The following ERC2 variants were observed in gnomAD, a reference collection of about 807,000 sequenced individuals.
The protein encoded by ERC2 is ELKS/RAB6-interacting/CAST family member 2, also known as ERC protein 2.
In ERC2, 42 loss-of-function variants were observed where a neutral mutation model predicts 114.8. The observed-to-expected ratio is 0.37, with a 90% CI of 0.29 to 0.47. ERC2 has a LOEUF of 0.47. Among genes scored for constraint, ERC2 ranks in the 20% least tolerant of loss-of-function variants. The pLI is 0.99. For synonymous variants in ERC2, 454 were observed against 425.5 expected, an observed-to-expected ratio of 1.07 and a Z score of -0.82; for missense variants, 939 against 1,150.7, an observed-to-expected ratio of 0.82 and a Z score of 2.66.
intron 10 of ERC2, among the ~76,000 whole-genome samples, chr3:56,003,797 A>G (rs556316694): frequency 1.3e-5 from 2 of 152,234 alleles, no homozygotes; most frequent in Admixed American, 1.3e-4. Flanking sequence ...TTTCAAAGAT[A>G]TCCTATTATG....
chr3:56,051,717 TC>T (rs1464230301), intron 7 of ERC2, among the ~76,000 whole-genome samples: 1 of 151,784 alleles, frequency 6.6e-6, no homozygotes, highest in African/African-American at 2.4e-5. Context: ...TCCCAGCTAC[TC>T]AAGAGACTGA....
intron 15 of ERC2, among the ~76,000 whole-genome samples, chr3:55,710,284 G>A (rs2063710456): frequency 6.6e-6 from 1 of 152,066 alleles, no homozygotes; most frequent in East Asian, 1.9e-4. Context: ...CCTCATCCAA[G>A]CTGATATTCT....
intron 4 of ERC2, among the ~76,000 whole-genome samples, chr3:56,170,599 T>TGTTTTGTTTTGTTTTGTTTTG: frequency 7.0e-6 from 1 of 142,468 alleles, no homozygotes; most frequent in African/African-American, 2.7e-5. Context: ...TTTTTTTTTT[T>TGTTTTGTTTTGTTTTGTTTTG]TTTTTTTTTT....
chr3:56,436,307 C>G (rs939154980), intron 1 of ERC2, among the ~76,000 whole-genome samples: 1 of 152,202 alleles, frequency 6.6e-6, no homozygotes, highest in Non-Finnish European at 1.5e-5. Context: ...TACCATCTAA[C>G]TCATAGTATT....
intron 13 of ERC2, among the ~76,000 whole-genome samples, chr3:55,949,144 C>T (rs534156952): frequency 3.9e-5 from 6 of 151,968 alleles, no homozygotes; most frequent in Admixed American, 6.6e-5. Context: ...CCGAGGCGGG[C>T]GGATCATGAG....
chr3:55,581,569 C>T (rs151132494), intron 17 of ERC2, among the ~76,000 whole-genome samples: 10 of 152,220 alleles, frequency 6.6e-5, no homozygotes, highest in African/African-American at 2.4e-4. Context: ...GGAAATGGTG[C>T]TCCTCTGGTG....
chr3:55,726,566 G>A (rs2064933324), intron 15 of ERC2, among the ~76,000 whole-genome samples: 1 of 152,048 alleles, frequency 6.6e-6, no homozygotes. Context: ...CACATTCCAG[G>A]GCAGCCTCTG....
intron 2 of ERC2, among the ~76,000 whole-genome samples, chr3:56,317,405 T>C (rs369181506): frequency 5.3e-5 from 8 of 152,200 alleles, no homozygotes; most frequent in African/African-American, 1.9e-4. Flanking sequence ...TACTCATCAA[T>C]AAAGGATCCA....
intron 2 of ERC2, among the ~76,000 whole-genome samples, chr3:56,300,628 C>G (rs777926166): frequency 6.6e-6 from 1 of 152,232 alleles, no homozygotes. Context: ...TGTAATACCA[C>G]ATGCCATGCA....
At chr3:55,769,592 G>T (rs993822160) in intron 14 of ERC2, among the ~76,000 whole-genome samples, 21 of 152,108 alleles carry the variant, frequency 1.4e-4, no homozygotes, top group African/African-American at 4.8e-4. Context: ...AAATATATTT[G>T]GTTGAACAAT....
intron 17 of ERC2, among the ~76,000 whole-genome samples, chr3:55,630,467 C>A (rs2059707155): frequency 6.6e-6 from 1 of 152,220 alleles, no homozygotes; most frequent in South Asian, 2.1e-4. Flanking sequence ...CCACGCCCGG[C>A]CAATAAGACA....
intron 3 of ERC2, among the ~76,000 whole-genome samples, chr3:56,195,506 T>TGTGCGTGTGTGC (rs1175558166): frequency 6.6e-6 from 1 of 151,604 alleles, no homozygotes; most frequent in Non-Finnish European, 1.5e-5. Flanking sequence ...TGTGCGTGTG[T>TGTGCGTGTGTGC]GTGTGTGTGT....
chr3:56,344,391 A>G (rs921197661), intron 2 of ERC2, among the ~76,000 whole-genome samples: 1 of 152,066 alleles, frequency 6.6e-6, no homozygotes, highest in Admixed American at 6.5e-5. Context: ...ATGTCTTCAG[A>G]TGGTCTGTTG....
At chr3:56,404,808 A>G (rs917029129) in intron 2 of ERC2, among the ~76,000 whole-genome samples, 3 of 152,212 alleles carry the variant, frequency 2.0e-5, no homozygotes, top group African/African-American at 7.2e-5. Flanking sequence ...CACACAAATA[A>G]TTATAACAAC....
intron 12 of ERC2, among the ~76,000 whole-genome samples, chr3:55,983,341 C>A (rs1005145728): frequency 6.6e-6 from 1 of 152,212 alleles, no homozygotes; most frequent in Non-Finnish European, 1.5e-5. Flanking sequence ...GCTAATCTCA[C>A]AAATAGTTAC....
chr3:55,661,780 G>A (rs2061147678), intron 17 of ERC2, among the ~76,000 whole-genome samples: 1 of 151,892 alleles, frequency 6.6e-6, no homozygotes, highest in African/African-American at 2.4e-5. Context: ...GTTTAGTTTG[G>A]GCTATTTGTG....
chr3:56,024,690 T>G (rs994555563), intron 7 of ERC2, among the ~76,000 whole-genome samples: 5 of 152,152 alleles, frequency 3.3e-5, no homozygotes, highest in African/African-American at 9.7e-5. Context: ...AAGCTTGGAG[T>G]CTGGATGGCC....
At chr3:56,331,823 C>G (rs2057630387) in intron 2 of ERC2, among the ~76,000 whole-genome samples, 1 of 152,188 alleles carries the variant, frequency 6.6e-6, no homozygotes, top group African/African-American at 2.4e-5. Context: ...TCCATGACCT[C>G]CTCACTCTCC....
intron 7 of ERC2, among the ~76,000 whole-genome samples, chr3:56,043,984 ACT>A (rs1214694566): frequency 2.0e-5 from 3 of 152,202 alleles, no homozygotes; most frequent in African/African-American, 7.2e-5. Flanking sequence ...TTTCTTGGCC[ACT>A]GTCTCAGGAA....
Sources: gnomAD v4.1 joint callset for allele counts (sites outside exome capture counted in the v4.1 genomes callset) on GRCh38, gnomAD v4.1.1 for gene constraint, MANE v1.5 for transcripts, NCBI Gene and HGNC (gene_info 2026-07-23, HGNC 2026-07-21) for gene names.